The following CSGALNACT1 variants were observed in gnomAD, a reference collection of about 807,000 sequenced individuals.
The protein encoded by CSGALNACT1 is beta4GalNAcT-1.
In CSGALNACT1, 52 loss-of-function variants were observed where a neutral mutation model predicts 51.0. The ratio of observed to expected loss-of-function variants is 1.02; its 90% CI spans 0.82 to 1.29. The LOEUF (loss-of-function observed/expected upper bound fraction) is 1.29. CSGALNACT1 is among the 50% of genes most tolerant of loss of function. The pLI, the probability that CSGALNACT1 is intolerant of heterozygous loss-of-function variation, is 0.00. For synonymous variants in CSGALNACT1, 341 were observed against 254.4 expected, an observed-to-expected ratio of 1.34 and a Z score of -3.24; for missense variants, 935 against 679.2, an observed-to-expected ratio of 1.38 and a Z score of -4.19.
chr8:19,669,300 C>G (rs2059610099), intron 1 of CSGALNACT1, among the ~76,000 whole-genome samples: 1 of 152,222 alleles, frequency 6.6e-6, no homozygotes, highest in Non-Finnish European at 1.5e-5. Flanking sequence ...AAACAACTTT[C>G]TCTTCAATTT....
At chr8:19,492,347 G>C (rs946636622) in intron 4 of CSGALNACT1, among the ~76,000 whole-genome samples, 2 of 152,226 alleles carry the variant, frequency 1.3e-5, no homozygotes, top group Non-Finnish European at 2.9e-5. Flanking sequence ...CTGGGATGTA[G>C]TAGACATTTG....
intron 3 of CSGALNACT1, among the ~76,000 whole-genome samples, chr8:19,566,464 G>C (rs1466564087): frequency 6.6e-6 from 1 of 152,098 alleles, no homozygotes; most frequent in African/African-American, 2.4e-5. Context: ...TTATGTTTAT[G>C]GTCATTTGTC....
chr8:19,523,703 C>A (rs1275662030), intron 3 of CSGALNACT1, among the ~76,000 whole-genome samples: 1 of 152,182 alleles, frequency 6.6e-6, no homozygotes. Flanking sequence ...TAAATGCTTA[C>A]TGCATGGAAG....
chr8:19,432,046 A>G (rs910906172), intron 6 of CSGALNACT1, among the ~76,000 whole-genome samples: 13 of 152,140 alleles, frequency 8.5e-5, no homozygotes, highest in African/African-American at 1.9e-4. Context: ...ATATTTGCCT[A>G]TGTAGTTACT....
intron 4 of CSGALNACT1, among the ~76,000 whole-genome samples, chr8:19,486,603 A>G (rs1247458429): frequency 6.6e-6 from 1 of 152,100 alleles, no homozygotes; most frequent in African/African-American, 2.4e-5. Context: ...TCCTTCAGGT[A>G]TAGGCATGGG....
At chr8:19,521,604 A>G (rs138592509) in intron 3 of CSGALNACT1, among the ~76,000 whole-genome samples, 109 of 152,274 alleles carry the variant, frequency 7.2e-4, no homozygotes, top group African/African-American at 2.4e-3. Context: ...AATTGCTTGT[A>G]CATGGGAGGC....
chr8:19,466,469 G>GGAATGCTTTTTTT (rs1182219790), intron 4 of CSGALNACT1, among the ~76,000 whole-genome samples: 2 of 152,000 alleles, frequency 1.3e-5, no homozygotes, highest in Non-Finnish European at 2.9e-5. Flanking sequence ...GTTCAAAAAA[G>GGAATGCTTTTTTT]GAACCGGTAA....
chr8:19,706,960 A>G (rs1226920848), intron 1 of CSGALNACT1, among the ~76,000 whole-genome samples: 1 of 152,144 alleles, frequency 6.6e-6, no homozygotes, highest in Non-Finnish European at 1.5e-5. Flanking sequence ...ACACCAGGAC[A>G]GTCCTAGAGC....
In CSGALNACT1 at chr8:19,664,945, G is replaced by C. The variant is rs1298480499; in HGVS notation, c.-544+17528C>G. On this transcript the variant is annotated intron_variant, in intron 1 of 9. Transcript: ENST00000332246. The stretch of plus-strand genomic sequence containing the variant: ...GTAATGGGTACAATGTATACTATTT[G>C]GGTGATGGCTACAGTAAAAGTACAG... Among the ~76,000 whole-genome samples the C allele has an allele frequency of 2.0e-5, 3 of 152,184 alleles. No homozygotes were observed. The South Asian group carries it at 6.2e-4, about 31-fold the overall frequency.
intron 1 of CSGALNACT1, among the ~76,000 whole-genome samples, chr8:19,612,946 GAAAAAAAA>G (rs1165754811): frequency 3.2e-4 from 5 of 15,428 alleles, no homozygotes; most frequent in African/African-American, 4.2e-4. Context: ...AAAGCAGCTG[GAAAAAAAA>G]AAAAAAAAAA....
At chr8:19,509,532 G>T (rs1180335686) in intron 3 of CSGALNACT1, among the ~76,000 whole-genome samples, 1 of 145,468 alleles carries the variant, frequency 6.9e-6, no homozygotes, top group African/African-American at 2.5e-5. Context: ...TGAGGCACGA[G>T]AATCGCTTGA....
intron 1 of CSGALNACT1, among the ~76,000 whole-genome samples, chr8:19,732,776 C>T (rs1282107270): frequency 6.6e-6 from 1 of 152,250 alleles, no homozygotes; most frequent in Non-Finnish European, 1.5e-5. Flanking sequence ...GAATCACCCT[C>T]TGTATTACTT....
At chr8:19,598,520 G>A (rs2049469994) in intron 2 of CSGALNACT1, among the ~76,000 whole-genome samples, 1 of 152,172 alleles carries the variant, frequency 6.6e-6, no homozygotes, top group Non-Finnish European at 1.5e-5. Flanking sequence ...TGCCCAGTTA[G>A]TACATTAGAG....
At chr8:19,484,646 C>A (rs1373177248) in intron 4 of CSGALNACT1, among the ~76,000 whole-genome samples, 2 of 152,148 alleles carry the variant, frequency 1.3e-5, no homozygotes, top group African/African-American at 4.8e-5. Context: ...TTCCCAGATA[C>A]CAAAGTTGGC....
rs576170308 is a variant in CSGALNACT1 at position 19,694,290 on chromosome 8, C to G, written c.-297+63560G>C. Among the ~76,000 whole-genome samples the G allele has an allele frequency of 2.6e-5, 4 of 152,226 alleles. 1 individual carries two copies. The East Asian group carries it at 5.8e-4, about 22-fold the overall frequency. On this transcript the variant is annotated intron_variant, in intron 1 of 1. Coordinates refer to the CSGALNACT1 transcript ENST00000517494. ...AATGATTATGCTTTTGGCAGCTACC[C>G]ACATAAGTGTAGTAAGTACAGTATA... is the stretch of plus-strand genomic sequence containing the variant.
At chr8:19,612,691 A>C (rs2052433928) in intron 1 of CSGALNACT1, among the ~76,000 whole-genome samples, 2 of 151,992 alleles carry the variant, frequency 1.3e-5, no homozygotes, top group Non-Finnish European at 2.9e-5. Flanking sequence ...CCGACATCTG[A>C]GATGATCCAA....
chr8:19,707,229 T>C (rs996037487), intron 1 of CSGALNACT1, among the ~76,000 whole-genome samples: 1 of 152,128 alleles, frequency 6.6e-6, no homozygotes, highest in Admixed American at 6.5e-5. Context: ...AGGAAATTCT[T>C]GATTGGTTGA....
At chr8:19,456,291 C>A (rs949243787) in intron 5 of CSGALNACT1, among the ~76,000 whole-genome samples, 2 of 152,174 alleles carry the variant, frequency 1.3e-5, no homozygotes, top group African/African-American at 4.8e-5. Flanking sequence ...TTTCACCGAG[C>A]AGATACTTCT....
At chr8:19,724,774 T>C (rs906743373) in intron 1 of CSGALNACT1, among the ~76,000 whole-genome samples, 6 of 152,198 alleles carry the variant, frequency 3.9e-5, no homozygotes, top group Non-Finnish European at 8.8e-5. Context: ...TCCCACAGCC[T>C]TGTGGGTTTC....
Sources: allele counts gnomAD v4.1 joint callset (sites outside exome capture counted in the v4.1 genomes callset), GRCh38; gene constraint gnomAD v4.1.1; transcripts MANE v1.5; gene names NCBI Gene and HGNC (gene_info 2026-07-23, HGNC 2026-07-21).